Variants in TAS2R1 observed in about 807,000 individuals in gnomAD.
The protein encoded by TAS2R1 is taste receptor type 2 member 1.
For synonymous variants in TAS2R1, 141 were observed against 134.2 expected (o/e 1.05, Z -0.35); for missense variants, 370 against 353.4 (o/e 1.05, Z -0.38).
At chr5:9,782,194 A>C in the TAS2R1 span, among the ~76,000 whole-genome samples, 1 of 152,156 alleles carries the variant, frequency 6.6e-6, no homozygotes, top group East Asian at 1.9e-4. Context: ...AGGCCTGGCA[A>C]ATACTTGTTG....
chr5:9,774,684 G>A, the TAS2R1 span, among the ~76,000 whole-genome samples: 3 of 152,274 alleles, frequency 2.0e-5, no homozygotes, highest in Non-Finnish European at 4.4e-5. Flanking sequence ...GGTTCTTGCA[G>A]ACTCATAGAG....
intron 1 of TAS2R1, among the ~76,000 whole-genome samples, chr5:9,689,873 T>A (rs900026346): frequency 2.6e-5 from 4 of 152,158 alleles, no homozygotes; most frequent in Admixed American, 6.5e-5. Context: ...AGTTCACATA[T>A]CCTCGGATGA....
chr5:9,857,822 C>T, the TAS2R1 span, among the ~76,000 whole-genome samples: 1 of 152,126 alleles, frequency 6.6e-6, no homozygotes, highest in Non-Finnish European at 1.5e-5. Flanking sequence ...CTTCACCAGT[C>T]AGCCTACCCA....
At chr5:9,735,175 C>T in the TAS2R1 span, among the ~76,000 whole-genome samples, 7 of 151,218 alleles carry the variant, frequency 4.6e-5, no homozygotes, top group Non-Finnish European at 4.4e-5. Flanking sequence ...AACTGGAAGG[C>T]GGAAGTCTGT....
At chr5:9,795,299 T>C in the TAS2R1 span, among the ~76,000 whole-genome samples, 3 of 152,200 alleles carry the variant, frequency 2.0e-5, no homozygotes, top group Non-Finnish European at 4.4e-5. Context: ...TGGACTTGAC[T>C]GCTAAGACTA....
At chr5:9,842,312 C>CTTTTTTTTTTTTTTTTTTTTTTTTTTT in the TAS2R1 span, among the ~76,000 whole-genome samples, 2 of 120,376 alleles carry the variant, frequency 1.7e-5, 1 homozygote. Flanking sequence ...GTCTTTCTTT[C>CTTTTTTTTTTTTTTTTTTTTTTTTTTT]TCTCTTTTTT....
intron 1 of TAS2R1, among the ~76,000 whole-genome samples, chr5:9,675,405 ATT>A (rs1488303588): frequency 6.8e-6 from 1 of 146,612 alleles, no homozygotes; most frequent in African/African-American, 2.5e-5. Flanking sequence ...TCCATTAATT[ATT>A]TTTTTCTTTT....
the TAS2R1 span, among the ~76,000 whole-genome samples, chr5:9,817,685 C>T: frequency 6.6e-6 from 1 of 152,072 alleles, no homozygotes; most frequent in Admixed American, 6.6e-5. Flanking sequence ...GACAGAATTA[C>T]CTGAGCTCGT....
chr5:9,633,319 T>TACAC (rs61375498), upstream of TAS2R1, among the ~76,000 whole-genome samples: 7 of 137,524 alleles, frequency 5.1e-5, no homozygotes, highest in South Asian at 2.2e-4. Flanking sequence ...TATATATATA[T>TACAC]ACACAAATGT....
chr5:9,755,935 G>A, the TAS2R1 span, among the ~76,000 whole-genome samples: 1 of 152,166 alleles, frequency 6.6e-6, no homozygotes, highest in Non-Finnish European at 1.5e-5. Flanking sequence ...ACTGCAAGTT[G>A]CTTTATCAGC....
chr5:9,719,938 AC>A, the TAS2R1 span, among the ~76,000 whole-genome samples: 35,550 of 126,690 alleles, frequency 0.28, 6,004 homozygotes, highest in Middle Eastern at 0.45. Flanking sequence ...AAAAAAAAAA[AC>A]AAAAACAAAA....
At chr5:9,830,420 AAGAT>A in the TAS2R1 span, among the ~76,000 whole-genome samples, 1 of 152,204 alleles carries the variant, frequency 6.6e-6, no homozygotes, top group African/African-American at 2.4e-5. Context: ...TAGACATAGA[AAGAT>A]AGGTAGACAG....
In TAS2R1 at chr5:9,630,086, A is replaced by C; in HGVS notation, c.-54T>G. ...AAATAATGAAGTTATAAAGTTTTGG[A>C]CAGGTTGGGTTGTTCACGCTCTTCA... is the stretch of plus-strand genomic sequence containing the variant. On this transcript the variant is annotated 5_prime_UTR_variant, in exon 1 of 1. Coordinates refer to ENST00000382492, the MANE Select transcript of TAS2R1 (RefSeq NM_019599.3). 1.4e-6 allele frequency: 2 copies of C among 1,447,022 alleles called. No homozygotes were observed. The allele number at this position is 1,447,022 out of a possible 1,614,324, so 89.6% of individuals were successfully genotyped here. A position where few individuals can be genotyped will look rare whatever the true frequency, so the allele number is the denominator to read the frequency against.
the TAS2R1 span, among the ~76,000 whole-genome samples, chr5:9,859,249 C>A: frequency 6.6e-6 from 1 of 152,042 alleles, no homozygotes; most frequent in Non-Finnish European, 1.5e-5. Flanking sequence ...GCCACATGGT[C>A]AAGGCAATAA....
chr5:9,727,448 C>T, the TAS2R1 span, among the ~76,000 whole-genome samples: 1 of 152,172 alleles, frequency 6.6e-6, no homozygotes, highest in Non-Finnish European at 1.5e-5. Context: ...ACTTCATCAA[C>T]TCAGGCAGGT....
At chr5:9,885,151 C>A in the TAS2R1 span, among the ~76,000 whole-genome samples, 1 of 152,326 alleles carries the variant, frequency 6.6e-6, no homozygotes, top group East Asian at 1.9e-4. Context: ...AGCTGGGATT[C>A]AAACCCCAGT....
chr5:9,695,925 G>A (rs1466696546), intron 1 of TAS2R1, among the ~76,000 whole-genome samples: 2 of 152,194 alleles, frequency 1.3e-5, no homozygotes, highest in African/African-American at 4.8e-5. Flanking sequence ...ATTTTATAAA[G>A]TGATGAGCTG....
At chr5:9,738,226 C>T in the TAS2R1 span, among the ~76,000 whole-genome samples, 5 of 152,180 alleles carry the variant, frequency 3.3e-5, no homozygotes, top group African/African-American at 4.8e-5. Context: ...ATGATTACCA[C>T]CCATTCTCAG....
chr5:9,709,090 CA>C (rs1339871651), intron 1 of TAS2R1, among the ~76,000 whole-genome samples: 1 of 151,362 alleles, frequency 6.6e-6, no homozygotes, highest in African/African-American at 2.4e-5. Flanking sequence ...GCTTAAAACC[CA>C]GATGATGGGT....
Sources: gnomAD v4.1 joint callset for allele counts (sites outside exome capture counted in the v4.1 genomes callset) on GRCh38, gnomAD v4.1.1 for gene constraint, MANE v1.5 for transcripts, NCBI Gene and HGNC (gene_info 2026-07-23, HGNC 2026-07-21) for gene names.